Variants in CTIF observed in about 807,000 individuals in gnomAD.
CTIF encodes the protein CBP80/20-dependent translation initiation factor.
CTIF carries 21 observed loss-of-function variants against 66.0 expected under a neutral mutation model. The observed-to-expected ratio is 0.32, with a 90% CI of 0.23 to 0.46. CTIF has a LOEUF of 0.46. Ranked by LOEUF, CTIF falls within the 20% of genes least tolerant of loss-of-function variation. The pLI is 1.00. For missense variants in CTIF, 739 were observed against 812.7 expected, an observed-to-expected ratio of 0.91 and a Z score of 1.10; for synonymous variants, 345 against 326.4, an observed-to-expected ratio of 1.06 and a Z score of -0.62.
intron 1 of CTIF, among the ~76,000 whole-genome samples, chr18:48,602,830 A>AATGG (rs745564518): frequency 0.011 from 1,549 of 146,908 alleles, 12 homozygotes; most frequent in Middle Eastern, 0.018. Flanking sequence ...TGGGTGGATG[A>AATGG]ATGGATGGAT....
At chr18:48,685,841 T>C (rs565777792) in intron 6 of CTIF, among the ~76,000 whole-genome samples, 1 of 152,206 alleles carries the variant, frequency 6.6e-6, no homozygotes, top group East Asian at 1.9e-4. Context: ...CACGCCTGGC[T>C]AATTTTTGTA....
intron 9 of CTIF, among the ~76,000 whole-genome samples, chr18:48,766,643 G>A (rs546392820): frequency 4.6e-5 from 7 of 152,320 alleles, no homozygotes; most frequent in South Asian, 4.1e-4. Context: ...GGTTCATCGC[G>A]GCCACTTATG....
chr18:48,761,767 G>A lies in CTIF; in HGVS notation c.1371+78G>A. On this transcript the variant is annotated intron_variant, in intron 9 of 11. Coordinates refer to ENST00000256413, the MANE Select transcript of CTIF (RefSeq NM_014772.3). This position sits in a 1 kb window ranked among gnomAD's most constrained non-coding sequence, Gnocchi z 4.2. ...GTGAGTTATTCCTAGCGAGAAGGCT[G>A]CGAGTTCTGGCCACAGTTGGACTTT... 12 of 1,379,978 alleles carry A rather than the reference G, an allele frequency of 8.7e-6. No individual in the cohort carries two copies. The highest frequency in any genetic ancestry group is 1.2e-5 in the Non-Finnish European group (12 of 1,005,376). 85.5% of individuals were successfully genotyped at this position (1,379,978 alleles called of 1,614,324 possible).
intron 10 of CTIF, among the ~76,000 whole-genome samples, chr18:48,835,519 G>A (rs1358041289): frequency 2.0e-5 from 3 of 152,114 alleles, no homozygotes; most frequent in Non-Finnish European, 2.9e-5. Context: ...CATTTTTCTG[G>A]GAGAGGTGCA....
At chr18:48,681,048 C>T (rs192001696) in intron 6 of CTIF, among the ~76,000 whole-genome samples, 1 of 152,238 alleles carries the variant, frequency 6.6e-6, no homozygotes, top group Non-Finnish European at 1.5e-5. Context: ...GGCGGCCCCC[C>T]CAGGACACAC....
chr18:48,859,039 G>A (rs2069396213), intron 11 of CTIF, among the ~76,000 whole-genome samples: 1 of 152,210 alleles, frequency 6.6e-6, no homozygotes, highest in Admixed American at 6.5e-5. Context: ...TCCTGGAAGA[G>A]GGAGGCTCTT....
At chr18:48,641,577 A>G (rs1000591031) in intron 3 of CTIF, among the ~76,000 whole-genome samples, 1 of 152,190 alleles carries the variant, frequency 6.6e-6, no homozygotes, top group African/African-American at 2.4e-5. Context: ...TTTCATCCTG[A>G]CGCCCTGTAG....
chr18:48,662,395 G>A (rs1311668673), intron 3 of CTIF: 3 of 150,030 alleles, frequency 2.0e-5, no homozygotes, highest in African/African-American at 7.3e-5. Flanking sequence ...TGCCCAGAGA[G>A]AGGGACCAGT....
intron 9 of CTIF, among the ~76,000 whole-genome samples, chr18:48,775,286 T>A (rs932280342): frequency 2.6e-5 from 4 of 152,260 alleles, no homozygotes; most frequent in Non-Finnish European, 2.9e-5. Flanking sequence ...AATGCCTGAC[T>A]TTTACCTGTG....
At chr18:48,625,356 C>A in intron 2 of CTIF, 1 of 246,912 alleles carries the variant, frequency 4.1e-6, no homozygotes, top group Non-Finnish European at 6.5e-6. Flanking sequence ...TCCCATAGTG[C>A]ACAAGAATTC....
At chr18:48,586,972 C>T (rs1314237929) in intron 1 of CTIF, among the ~76,000 whole-genome samples, 1 of 152,094 alleles carries the variant, frequency 6.6e-6, no homozygotes, top group East Asian at 1.9e-4. Context: ...TTCAACCTGT[C>T]CTGGGTCCCT....
At chr18:48,853,302 A>T (rs2069250818) in intron 10 of CTIF, among the ~76,000 whole-genome samples, 2 of 152,150 alleles carry the variant, frequency 1.3e-5, no homozygotes, top group Non-Finnish European at 2.9e-5. Flanking sequence ...GTGGCTGCTC[A>T]GGGAAGGCCT....
chr18:48,786,104 C>A (rs141979295), intron 9 of CTIF, among the ~76,000 whole-genome samples: 165 of 152,242 alleles, frequency 1.1e-3, no homozygotes, highest in Non-Finnish European at 1.4e-3. Flanking sequence ...CTGTACAGAC[C>A]CCGCACAGCA....
chr18:48,616,283 A>G (rs531483444), intron 1 of CTIF, among the ~76,000 whole-genome samples: 15 of 152,346 alleles, frequency 9.8e-5, no homozygotes, highest in African/African-American at 3.6e-4. Context: ...CTCTCTGGAC[A>G]TCGGCGGTTT....
intron 7 of CTIF, among the ~76,000 whole-genome samples, chr18:48,742,954 A>G (rs2092567293): frequency 6.6e-6 from 1 of 152,230 alleles, no homozygotes; most frequent in South Asian, 2.1e-4. Context: ...CAGCCCAGAG[A>G]GCCACTCTGG....
At chr18:48,616,911 G>C (rs2090410774) in intron 1 of CTIF, among the ~76,000 whole-genome samples, 1 of 152,238 alleles carries the variant, frequency 6.6e-6, no homozygotes, top group Non-Finnish European at 1.5e-5. Context: ...AGGCAGGAAA[G>C]AGCGTCCTGT....
At chr18:48,723,220 G>C (rs182111490) in intron 7 of CTIF, among the ~76,000 whole-genome samples, 1 of 152,160 alleles carries the variant, frequency 6.6e-6, no homozygotes, top group Admixed American at 6.5e-5. Context: ...TACTCCCCCT[G>C]TTAACCACCT....
At chr18:48,616,739 C>G (rs145964832) in intron 1 of CTIF, among the ~76,000 whole-genome samples, 2,181 of 152,328 alleles carry the variant, frequency 0.014, 26 homozygotes, top group Middle Eastern at 0.031. Context: ...TTGCAGCATT[C>G]ATACCCATAG....
At chr18:48,755,908 AAGAC>A (rs1367111134) in intron 7 of CTIF, 3 of 152,262 alleles carry the variant, frequency 2.0e-5, no homozygotes, top group South Asian at 2.1e-4. Flanking sequence ...AGGTAGAAAG[AAGAC>A]AGACAGGCCA....
Sources: allele counts gnomAD v4.1 joint callset (sites outside exome capture counted in the v4.1 genomes callset), GRCh38; gene constraint gnomAD v4.1.1; non-coding constraint Gnocchi (gnomAD v3.1); transcripts MANE v1.5; gene names NCBI Gene and HGNC (gene_info 2026-07-23, HGNC 2026-07-21).